SYNPR: variants seen among roughly 807,000 people sequenced by gnomAD.
The protein encoded by SYNPR is synaptoporin.
Under a neutral mutation model 32.9 loss-of-function variants are expected in SYNPR, and 23 were observed. The observed-to-expected ratio is 0.70, with a 90% confidence interval of 0.50 to 0.99. SYNPR has a LOEUF of 0.99. Among genes scored for constraint, SYNPR ranks in the 50% least tolerant of loss-of-function variants. The pLI is 0.00. For synonymous variants in SYNPR, 146 were observed against 135.9 expected (o/e 1.07, Z -0.52); for missense variants, 318 against 349.3 (o/e 0.91, Z 0.71).
intron 2 of SYNPR, among the ~76,000 whole-genome samples, chr3:63,475,764 G>A (rs893987808): frequency 6.6e-6 from 1 of 151,918 alleles, no homozygotes; most frequent in African/African-American, 2.4e-5. Flanking sequence ...TAGCCTTCCA[G>A]GTCTCACCCC....
chr3:63,290,302 T>C (rs1417424520), intron 2 of SYNPR, among the ~76,000 whole-genome samples: 1 of 152,164 alleles, frequency 6.6e-6, no homozygotes, highest in Admixed American at 6.5e-5. Context: ...TTGTCTTCCA[T>C]TAATAGTAAT....
intron 2 of SYNPR, among the ~76,000 whole-genome samples, chr3:63,410,758 A>C (rs1350161040): frequency 3.3e-5 from 5 of 152,174 alleles, no homozygotes; most frequent in African/African-American, 1.2e-4. Context: ...TTCAGTTCAG[A>C]AATGAGTAAT....
At chr3:63,225,537 G>A (rs1020749426), upstream of SYNPR, among the ~76,000 whole-genome samples, 4 of 152,126 alleles carry the variant, frequency 2.6e-5, no homozygotes, top group Admixed American at 6.6e-5. Context: ...AAGCTTATTA[G>A]GGAGCACTTT....
intron 2 of SYNPR, among the ~76,000 whole-genome samples, chr3:63,463,382 A>C (rs952738533): frequency 6.6e-6 from 1 of 152,150 alleles, no homozygotes; most frequent in Non-Finnish European, 1.5e-5. Context: ...GTAAATATCC[A>C]AGAAAAGTGG....
At chr3:63,201,372 T>C in the SYNPR span, among the ~76,000 whole-genome samples, 1 of 152,280 alleles carries the variant, frequency 6.6e-6, no homozygotes, top group Admixed American at 6.5e-5. Context: ...TGCCTTTACC[T>C]ATCACATTGT....
chr3:63,308,486 T>C (rs1249274676), intron 2 of SYNPR, among the ~76,000 whole-genome samples: 1 of 151,966 alleles, frequency 6.6e-6, no homozygotes, highest in African/African-American at 2.4e-5. Flanking sequence ...ATAACATCTT[T>C]TGTAGTGTAT....
chr3:63,260,974 A>G (rs1201543082), intron 2 of SYNPR, among the ~76,000 whole-genome samples: 1 of 152,242 alleles, frequency 6.6e-6, no homozygotes, highest in African/African-American at 2.4e-5. Context: ...AATGCTCATC[A>G]TCACTGGCCA....
At chr3:63,410,345 TG>T (rs1434829466) in intron 2 of SYNPR, among the ~76,000 whole-genome samples, 1 of 152,194 alleles carries the variant, frequency 6.6e-6, no homozygotes, top group Admixed American at 6.5e-5. Context: ...ACTGAAATAC[TG>T]CTTTCTGTCA....
chr3:63,224,333 C>T (rs779056521), upstream of SYNPR, among the ~76,000 whole-genome samples: 1 of 152,150 alleles, frequency 6.6e-6, no homozygotes, highest in Non-Finnish European at 1.5e-5. Flanking sequence ...TGAGGTGGAA[C>T]AGTTTTATTC....
rs1482584312 is a variant in SYNPR, at chr3:63,393,491, C to CTTT, written c.85-87339_85-87338insTTT. Among the ~76,000 whole-genome samples, 253 of 116,510 alleles carry CTTT rather than the reference C, an allele frequency of 2.2e-3. 3 individuals carry two copies. The highest frequency in any genetic ancestry group is 8.7e-3 in the African/African-American group (229 of 26,380). The allele number at this position is 116,510 out of a possible 152,430, so 76.4% of individuals were successfully genotyped here. ...CCTTTCCTTCCTTCCTTCTTTCTTTCTTCTCTTTTTTTTTTTTTTTTTTTT... is the reference window on the plus strand; with the variant it reads ...CCTTTCCTTCCTTCCTTCTTTCTTTCTTTTTCTCTTTTTTTTTTTTTTTTTTTT... On this transcript the variant is annotated intron_variant, in intron 2 of 5. Transcript: ENST00000478300.
At chr3:63,251,153 A>G (rs943773986) in intron 1 of SYNPR, among the ~76,000 whole-genome samples, 9 of 152,164 alleles carry the variant, frequency 5.9e-5, no homozygotes, top group Non-Finnish European at 1.2e-4. Context: ...AAAAAATTAA[A>G]GAAAGCAAAA....
intron 2 of SYNPR, among the ~76,000 whole-genome samples, chr3:63,325,344 T>C (rs1255680958): frequency 4.6e-5 from 7 of 152,164 alleles, no homozygotes. Context: ...TTTTCATTAG[T>C]TTCTTTAATA....
intron 3 of SYNPR, among the ~76,000 whole-genome samples, chr3:63,495,904 C>A (rs550290580): frequency 6.6e-6 from 1 of 151,988 alleles, no homozygotes; most frequent in East Asian, 1.9e-4. Context: ...TTTCTCCAAG[C>A]CCACAGAATG....
chr3:63,603,018 T>G (rs751392752), intron 4 of SYNPR, among the ~76,000 whole-genome samples: 2 of 152,184 alleles, frequency 1.3e-5, no homozygotes, highest in Non-Finnish European at 2.9e-5. Flanking sequence ...CTCTGATTTA[T>G]TTCAGCAGTG....
At chr3:63,377,070 A>G (rs967905580) in intron 2 of SYNPR, among the ~76,000 whole-genome samples, 3 of 152,162 alleles carry the variant, frequency 2.0e-5, no homozygotes, top group Non-Finnish European at 4.4e-5. Flanking sequence ...GTAGCTATGT[A>G]TAAGTTGAGG....
intron 2 of SYNPR, among the ~76,000 whole-genome samples, chr3:63,400,589 G>A (rs2088277643): frequency 6.6e-6 from 1 of 152,212 alleles, no homozygotes; most frequent in African/African-American, 2.4e-5. Flanking sequence ...CAAGGAGGAA[G>A]CCACAGTGCC....
chr3:63,434,535 T>A (rs1344927193), intron 2 of SYNPR, among the ~76,000 whole-genome samples: 1 of 152,280 alleles, frequency 6.6e-6, no homozygotes, highest in Non-Finnish European at 1.5e-5. Flanking sequence ...TATTCATATC[T>A]CAGTGTACTG....
chr3:63,502,091 CAT>C (rs1701492583), intron 3 of SYNPR, among the ~76,000 whole-genome samples: 2 of 152,034 alleles, frequency 1.3e-5, no homozygotes. Context: ...TTTATATAGA[CAT>C]GTTATCAAAA....
In SYNPR at chr3:63,302,522, T is replaced by C. The variant is rs114651119; in HGVS notation, c.84+23780T>C. Among the ~76,000 whole-genome samples, 1,272 of 152,214 alleles carry C rather than the reference T, an allele frequency of 8.4e-3. 24 individuals carry two copies. The highest frequency in any genetic ancestry group is 0.028 in the African/African-American group (1,150 of 41,558). On this transcript the variant is annotated intron_variant, in intron 2 of 5. Coordinates refer to ENST00000478300, the MANE Select transcript of SYNPR (RefSeq NM_001130003.2). ...AGTAGGCCTGACTCCAAGTTCAGTATGCCTTCTTCTATCTCACTTTAATTC... is the reference window on the plus strand; with the variant it reads ...AGTAGGCCTGACTCCAAGTTCAGTACGCCTTCTTCTATCTCACTTTAATTC...
Sources: gnomAD v4.1 joint callset for allele counts (sites outside exome capture counted in the v4.1 genomes callset) on GRCh38, gnomAD v4.1.1 for gene constraint, MANE v1.5 for transcripts, NCBI Gene and HGNC (gene_info 2026-07-23, HGNC 2026-07-21) for gene names.